The following CAMK4 variants were observed in gnomAD, a reference collection of about 807,000 sequenced individuals.
CAMK4 encodes calcium/calmodulin-dependent protein kinase type IV.
CAMK4 carries 22 observed loss-of-function variants against 44.9 expected under a neutral mutation model. The observed-to-expected ratio is 0.49, with a 90% CI of 0.35 to 0.70. The LOEUF (loss-of-function observed/expected upper bound fraction) is 0.70. Among genes scored for constraint, CAMK4 ranks in the 30% least tolerant of loss-of-function variants. CAMK4 has a pLI of 0.01. For synonymous variants in CAMK4, 218 were observed against 215.4 expected (o/e 1.01, Z -0.11); for missense variants, 498 against 586.8 (o/e 0.85, Z 1.56).
chr5:111,224,327 G>A, upstream of CAMK4: 1 of 1,116,446 alleles, frequency 9.0e-7, no homozygotes, highest in Non-Finnish European at 1.2e-6. The surrounding 1 kb of genome is among the most constrained non-coding windows in gnomAD (Gnocchi z 5.7). Flanking sequence ...CCCGCCCACC[G>A]TCCCTGCGAG....
intron 1 of CAMK4, among the ~76,000 whole-genome samples, chr5:111,296,150 C>T (rs1312980414): frequency 6.6e-6 from 1 of 152,230 alleles, no homozygotes. Context: ...AGTATCCCAC[C>T]TCCACCCCTG....
chr5:111,249,637 T>C (rs1290851143), intron 1 of CAMK4, among the ~76,000 whole-genome samples: 3 of 125,030 alleles, frequency 2.4e-5, no homozygotes, highest in African/African-American at 8.4e-5. Context: ...TGTATATATA[T>C]ATATATATGT....
intron 5 of CAMK4, among the ~76,000 whole-genome samples, chr5:111,435,533 C>A (rs1318445324): frequency 6.6e-6 from 1 of 152,170 alleles, no homozygotes; most frequent in Non-Finnish European, 1.5e-5. Flanking sequence ...ATCAGCTTCT[C>A]TGGACAATGC....
intron 1 of CAMK4, among the ~76,000 whole-genome samples, chr5:111,249,672 G>A (rs200600171): frequency 0.21 from 27,995 of 133,042 alleles, 3,326 homozygotes; most frequent in Non-Finnish European, 0.28. Context: ...ATATATGTGT[G>A]TGTGTGTGTG....
At chr5:111,250,718 C>G (rs1240058077) in intron 1 of CAMK4, among the ~76,000 whole-genome samples, 1 of 152,182 alleles carries the variant, frequency 6.6e-6, no homozygotes, top group Non-Finnish European at 1.5e-5. Flanking sequence ...TTCTCCATCA[C>G]CACTATGATC....
At position 111,406,194 on chromosome 5, in the gene CAMK4, TTCTC is replaced by T. The variant is rs10524853; in HGVS notation, c.459+11439_459+11442del. Among the ~76,000 whole-genome samples, 150 of 136,852 alleles carry T rather than the reference TTCTC, an allele frequency of 1.1e-3. 2 individuals carry two copies. Among genetic ancestry groups the T allele is most frequent in the East Asian group, 5.7e-3 (26 of 4,568 alleles). 89.8% of individuals were successfully genotyped at this position (136,852 alleles called of 152,430 possible). On this transcript the variant is annotated intron_variant, in intron 5 of 10. Coordinates refer to ENST00000282356, the MANE Select transcript of CAMK4 (RefSeq NM_001744.6). ...TCCTGTTTCCTTCTCCTAATTTATT[TTCTC>T]TCTCTCTCTCTCTCTCTCTCTCTCT... is the stretch of plus-strand genomic sequence containing the variant.
intron 1 of CAMK4, among the ~76,000 whole-genome samples, chr5:111,320,537 TCG>T (rs1184839398): frequency 1.3e-5 from 2 of 152,202 alleles, no homozygotes; most frequent in Non-Finnish European, 2.9e-5. Flanking sequence ...AGATGGAGTT[TCG>T]CTCGTTGCCC....
chr5:111,356,962 A>G (rs1750388596), intron 2 of CAMK4, among the ~76,000 whole-genome samples: 1 of 152,104 alleles, frequency 6.6e-6, no homozygotes, highest in South Asian at 2.1e-4. Flanking sequence ...AGAGAGACAG[A>G]CAGACAGACA....
intron 1 of CAMK4, among the ~76,000 whole-genome samples, chr5:111,248,869 AG>A (rs1433701884): frequency 6.6e-6 from 1 of 152,044 alleles, no homozygotes; most frequent in East Asian, 1.9e-4. Context: ...AAAGGCGTGG[AG>A]CATGAAAGAC....
chr5:111,254,114 G>A (rs770329458), intron 1 of CAMK4, among the ~76,000 whole-genome samples: 16 of 152,148 alleles, frequency 1.1e-4, no homozygotes, highest in African/African-American at 2.4e-4. Flanking sequence ...GATTATTCCC[G>A]CACATGGATG....
intron 5 of CAMK4, among the ~76,000 whole-genome samples, chr5:111,443,309 C>CT (rs1356568258): frequency 7.8e-6 from 1 of 128,702 alleles, no homozygotes; most frequent in African/African-American, 3.0e-5. Context: ...CACACACACA[C>CT]ACACACTATA....
chr5:111,397,064 C>T (rs116009835), intron 5 of CAMK4, among the ~76,000 whole-genome samples: 4,992 of 152,314 alleles, frequency 0.033, 104 homozygotes, highest in Middle Eastern at 0.051. Flanking sequence ...TTTAAAACCT[C>T]ATTTCTTGTT....
At chr5:111,447,189 A>C (rs898283176) in intron 6 of CAMK4, among the ~76,000 whole-genome samples, 1 of 152,196 alleles carries the variant, frequency 6.6e-6, no homozygotes, top group African/African-American at 2.4e-5. Context: ...TATTTAGCAC[A>C]TATTAGTGAG....
intron 1 of CAMK4, among the ~76,000 whole-genome samples, chr5:111,273,718 T>TATATATATATATAC (rs1325875283): frequency 2.2e-5 from 1 of 44,798 alleles, no homozygotes; most frequent in Admixed American, 2.5e-4. Flanking sequence ...TATATATATA[T>TATATATATATATAC]ACACACACAT....
chr5:111,458,312 G>A (rs1396775591), intron 7 of CAMK4, among the ~76,000 whole-genome samples: 1 of 152,194 alleles, frequency 6.6e-6, no homozygotes, highest in South Asian at 2.1e-4. Context: ...GACTCTGCAG[G>A]TTGGGCATGA....
At chr5:111,339,938 C>A (rs1749568739) in intron 1 of CAMK4, among the ~76,000 whole-genome samples, 1 of 151,114 alleles carries the variant, frequency 6.6e-6, no homozygotes, top group Admixed American at 6.6e-5. Context: ...AGATCTTTCA[C>A]TTCTTTGTTT....
chr5:111,484,694 T>C lies in CAMK4; in HGVS notation c.*228T>C, dbSNP rs577567021. On this transcript the variant is annotated 3_prime_UTR_variant, in exon 11 of 11. Coordinates refer to ENST00000282356, the MANE Select transcript of CAMK4 (RefSeq NM_001744.6). The surrounding 1 kb of genome is among the most constrained non-coding windows in gnomAD (Gnocchi z 5.3). Reference sequence around the variant, plus strand: ...GGATACCTAATACCGATGAGTTAAATCTTGCAAGTTAACACAACGTAACAC... The same window carrying C: ...GGATACCTAATACCGATGAGTTAAACCTTGCAAGTTAACACAACGTAACAC... The C allele has an allele frequency of 6.8e-5, 25 of 367,464 alleles. No individual in the cohort carries two copies. The highest frequency in any genetic ancestry group is 6.9e-4 in the Middle Eastern group (1 of 1,444). The allele number at this position is 367,464 out of a possible 1,614,324, so 22.8% of individuals were successfully genotyped here.
At chr5:111,321,105 C>T (rs559885880) in intron 1 of CAMK4, among the ~76,000 whole-genome samples, 17 of 152,244 alleles carry the variant, frequency 1.1e-4, no homozygotes, top group Non-Finnish European at 2.1e-4. Flanking sequence ...TTCAACGTTT[C>T]TCTGCTTTGG....
intron 1 of CAMK4, among the ~76,000 whole-genome samples, chr5:111,226,470 T>G (rs1748198468): frequency 6.6e-6 from 1 of 152,220 alleles, no homozygotes; most frequent in South Asian, 2.1e-4. Flanking sequence ...CCCACTGTAG[T>G]TGAAAATATC....
Sources: allele counts gnomAD v4.1 joint callset (sites outside exome capture counted in the v4.1 genomes callset), GRCh38; gene constraint gnomAD v4.1.1; non-coding constraint Gnocchi (gnomAD v3.1); transcripts MANE v1.5; gene names NCBI Gene and HGNC (gene_info 2026-07-23, HGNC 2026-07-21).